The following MAST2 variants were observed in gnomAD, a reference collection of about 807,000 sequenced individuals.
The protein encoded by MAST2 is microtubule-associated serine/threonine-protein kinase 2.
MAST2 carries 70 observed loss-of-function variants against 147.4 expected under a neutral mutation model. The observed-to-expected ratio is 0.47, with a 90% confidence interval of 0.39 to 0.58. The LOEUF (loss-of-function observed/expected upper bound fraction) is 0.58. Among genes scored for constraint, MAST2 ranks in the 20% least tolerant of loss-of-function variants. MAST2 has a pLI of 0.00. For synonymous variants in MAST2, 869 were observed against 896.8 expected (o/e 0.97, Z 0.55); for missense variants, 2,080 against 2,302.3 (o/e 0.90, Z 1.98).
At chr1:45,818,094 C>T (rs192172876) in intron 1 of MAST2, among the ~76,000 whole-genome samples, 2 of 152,218 alleles carry the variant, frequency 1.3e-5, no homozygotes, top group Non-Finnish European at 2.9e-5. Flanking sequence ...ACTTCATAGC[C>T]CAATTCGTTC....
chr1:45,933,238 C>T (rs11589549), intron 4 of MAST2, among the ~76,000 whole-genome samples: 49,198 of 104,128 alleles, frequency 0.47, 11,050 homozygotes, highest in East Asian at 0.65. Flanking sequence ...AAAAAAAAAG[C>T]GGGGGGGTTG....
chr1:45,806,574 A>G (rs1175208886), intron 1 of MAST2, among the ~76,000 whole-genome samples: 1 of 151,186 alleles, frequency 6.6e-6, no homozygotes, highest in Admixed American at 6.6e-5. Flanking sequence ...TAATTTTTTA[A>G]TTTCTTTTTC....
chr1:45,852,367 T>C (rs1645650452), intron 3 of MAST2, among the ~76,000 whole-genome samples: 1 of 152,020 alleles, frequency 6.6e-6, no homozygotes, highest in Admixed American at 6.6e-5. Context: ...TATTTATATT[T>C]ATATTTCCTT....
At chr1:45,979,224 A>C (rs910177463) in intron 5 of MAST2, among the ~76,000 whole-genome samples, 1 of 152,178 alleles carries the variant, frequency 6.6e-6, no homozygotes, top group African/African-American at 2.4e-5. Context: ...CTTGCTATAT[A>C]ATTATATTCC....
intron 4 of MAST2, among the ~76,000 whole-genome samples, chr1:45,947,616 A>G (rs1658261972): frequency 6.6e-6 from 1 of 152,376 alleles, no homozygotes; most frequent in South Asian, 2.1e-4. Context: ...GGCAAGAGAA[A>G]GAAATAAAGG....
intron 12 of MAST2, among the ~76,000 whole-genome samples, chr1:46,022,692 G>A (rs1484342804): frequency 6.6e-6 from 1 of 152,318 alleles, no homozygotes; most frequent in East Asian, 1.9e-4. Context: ...GAATGGCAAT[G>A]GACTTCTGGA....
chr1:46,003,956 G>A (rs923236822), intron 7 of MAST2, among the ~76,000 whole-genome samples: 1 of 152,040 alleles, frequency 6.6e-6, no homozygotes, highest in Non-Finnish European at 1.5e-5. Context: ...CCTGAATCTC[G>A]AGCAGGGAAA....
At chr1:45,871,109 A>C (rs1430411328) in intron 3 of MAST2, among the ~76,000 whole-genome samples, 2 of 149,858 alleles carry the variant, frequency 1.3e-5, no homozygotes, top group Admixed American at 1.3e-4. Flanking sequence ...TCCTGTTTGT[A>C]ATGAAAAGTT....
In MAST2 at chr1:46,006,500, T is replaced by C. The variant is rs1464205665; in HGVS notation, c.902+105T>C. On this transcript the variant is annotated intron_variant, in intron 8 of 28. Coordinates refer to ENST00000361297, the MANE Select transcript of MAST2 (RefSeq NM_015112.3). ...CTATAAGGGGCCAAGATAGTAAATA[T>C]TTTTAGGCTTTATAGGCCATATATC... 4 of 1,152,482 alleles carry C rather than the reference T, an allele frequency of 3.5e-6. No homozygotes were observed. The African/African-American group carries it at 4.6e-5, about 13-fold the overall frequency. 71.4% of individuals were successfully genotyped at this position (1,152,482 alleles called of 1,614,324 possible).
At chr1:45,897,021 G>C (rs1648849072) in intron 4 of MAST2, among the ~76,000 whole-genome samples, 1 of 152,082 alleles carries the variant, frequency 6.6e-6, no homozygotes, top group African/African-American at 2.4e-5. Context: ...AGACTCTTTT[G>C]GGCTGTTAAC....
chr1:45,987,777 A>ATTTTTTTTTT lies in MAST2; in HGVS notation c.593-9932_593-9923dup. ...AGCATTTCTTGTTTTTTTTTTTTTG[A>ATTTTTTTTTT]TTTTTTTTTTTTTTTTTTTTTTTTG... On this transcript the variant is annotated intron_variant, in intron 5 of 28. Coordinates refer to ENST00000361297, the MANE Select transcript of MAST2 (RefSeq NM_015112.3). Among the ~76,000 whole-genome samples the ATTTTTTTTTT allele has an allele frequency of 6.1e-3, 134 of 21,812 alleles. 1 individual carries two copies. The highest frequency in any genetic ancestry group is 7.3e-3 in the African/African-American group (35 of 4,764). The allele number at this position is 21,812 out of a possible 152,430, so 14.3% of individuals were successfully genotyped here. A position where few individuals can be genotyped will look rare whatever the true frequency, so the allele number is the denominator to read the frequency against.
intron 1 of MAST2, among the ~76,000 whole-genome samples, chr1:45,807,207 T>C (rs6672115): frequency 0.29 from 43,360 of 152,102 alleles, 6,318 homozygotes; most frequent in South Asian, 0.39. Context: ...TTTAATATTA[T>C]AATATCCATT....
chr1:45,881,394 C>T (rs1646837517), intron 3 of MAST2, among the ~76,000 whole-genome samples: 1 of 152,076 alleles, frequency 6.6e-6, no homozygotes, highest in African/African-American at 2.4e-5. Flanking sequence ...TAATATAATA[C>T]CATGTATATA....
At chr1:45,844,035 A>G (rs932087657) in intron 3 of MAST2, among the ~76,000 whole-genome samples, 16 of 152,204 alleles carry the variant, frequency 1.1e-4, no homozygotes, top group Non-Finnish European at 2.2e-4. Context: ...TACCTTAAAA[A>G]TAGTGACGTC....
intron 5 of MAST2, among the ~76,000 whole-genome samples, chr1:45,973,666 T>C (rs1251535441): frequency 6.6e-6 from 1 of 152,176 alleles, no homozygotes; most frequent in East Asian, 1.9e-4. Flanking sequence ...CCCTGGGACA[T>C]TCCAGTTTTC....
intron 5 of MAST2, among the ~76,000 whole-genome samples, chr1:45,968,485 T>G (rs567614722): frequency 4.5e-4 from 68 of 151,010 alleles, no homozygotes; most frequent in Admixed American, 1.6e-3. Context: ...TTTTGTTGTT[T>G]TTTTTTTTTG....
In MAST2 at chr1:46,034,960, G is replaced by T; in HGVS notation, c.4291G>T (p.Asp1431Tyr). Reference protein sequence around the residue: ...KLATSRKHSLDLPHSELKKEL... With the variant: ...KLATSRKHSLYLPHSELKKEL... ...AGCCACTTCTCGCAAGCACAGCCTTGACCTGCCCCACTCTGAACTAAAGAA... is the reference window on the plus strand; with the variant it reads ...AGCCACTTCTCGCAAGCACAGCCTTTACCTGCCCCACTCTGAACTAAAGAA... The change falls in exon 29 of 29, where the codon GAC becomes TAC. Residue 1431 changes from aspartate (D) to tyrosine (Y), a missense_variant. Asp to Tyr is a radical substitution (Grantham distance 160). Transcript: ENST00000361297. 1 of 1,614,086 alleles carries T rather than the reference G, an allele frequency of 6.2e-7. No individual in the cohort carries two copies.
intron 4 of MAST2, among the ~76,000 whole-genome samples, chr1:45,926,549 G>C (rs920910404): frequency 1.1e-4 from 16 of 152,076 alleles, no homozygotes; most frequent in African/African-American, 3.9e-4. Context: ...TGGCCTGTTG[G>C]GGCTCAGCAG....
At position 45,864,873 on chromosome 1, in the gene MAST2, G is replaced by A. The variant is rs978784667; in HGVS notation, c.469-17491G>A. ...ATGAAAACAAATATGAAGTCTTTCC[G>A]CTATTTGGCAGTGCTTCAGATGAGA... On this transcript the variant is annotated intron_variant, in intron 3 of 28. Transcript: ENST00000361297. 1.5e-4 allele frequency among the ~76,000 whole-genome samples: 23 copies of A among 152,312 alleles called. 2 individuals carry two copies. The South Asian group carries it at 4.4e-3, about 29-fold the overall frequency.
Sources: allele counts gnomAD v4.1 joint callset (sites outside exome capture counted in the v4.1 genomes callset), GRCh38; gene constraint gnomAD v4.1.1; transcripts MANE v1.5; gene names NCBI Gene and HGNC (gene_info 2026-07-23, HGNC 2026-07-21).